Variants in STXBP5L observed in about 807,000 individuals in gnomAD.
The protein encoded by STXBP5L is syntaxin-binding protein 5-like.
Under a neutral mutation model 144.5 loss-of-function variants are expected in STXBP5L, and 65 were observed. The observed-to-expected ratio is 0.45, with a 90% CI of 0.37 to 0.55. STXBP5L has a LOEUF of 0.55. Among genes scored for constraint, STXBP5L ranks in the 20% least tolerant of loss-of-function variants. STXBP5L has a pLI of 0.00. For missense variants in STXBP5L, 1,298 were observed against 1,405.5 expected, an observed-to-expected ratio of 0.92 and a Z score of 1.22; for synonymous variants, 505 against 469.6, an observed-to-expected ratio of 1.08 and a Z score of -0.97.
chr3:120,923,016 A>G (rs1576423008), intron 2 of STXBP5L, among the ~76,000 whole-genome samples: 1 of 151,900 alleles, frequency 6.6e-6, no homozygotes, highest in East Asian at 1.9e-4. Flanking sequence ...TACTGCTTCA[A>G]TCTTATTCCT....
intron 2 of STXBP5L, among the ~76,000 whole-genome samples, chr3:120,926,312 T>C (rs1424473258): frequency 2.0e-5 from 3 of 151,990 alleles, no homozygotes; most frequent in Non-Finnish European, 4.4e-5. Flanking sequence ...TCCTTCATAG[T>C]TGAAGAACAT....
chr3:121,316,197 G>C (rs2043782691), intron 19 of STXBP5L, among the ~76,000 whole-genome samples: 1 of 152,070 alleles, frequency 6.6e-6, no homozygotes, highest in African/African-American at 2.4e-5. Flanking sequence ...TTATAAAATT[G>C]TTTAGGGTTT....
chr3:121,052,322 T>A (rs1337196722), intron 5 of STXBP5L, among the ~76,000 whole-genome samples: 1 of 152,148 alleles, frequency 6.6e-6, no homozygotes, highest in Non-Finnish European at 1.5e-5. Flanking sequence ...ATATCCCTGA[T>A]GAACATCGAT....
intron 2 of STXBP5L, among the ~76,000 whole-genome samples, chr3:120,933,766 A>G (rs946560305): frequency 2.0e-5 from 3 of 152,140 alleles, no homozygotes; most frequent in African/African-American, 7.2e-5. Flanking sequence ...GTGATATGGG[A>G]GGAACTATGA....
intron 19 of STXBP5L, chr3:121,282,114 T>G: frequency 2.1e-6 from 1 of 467,766 alleles, no homozygotes; most frequent in African/African-American, 1.9e-5. Context: ...ATTTTATTAA[T>G]ATCTCCTTCT....
chr3:121,069,004 G>C (rs1326838602), intron 5 of STXBP5L, among the ~76,000 whole-genome samples: 1 of 151,544 alleles, frequency 6.6e-6, no homozygotes, highest in Non-Finnish European at 1.5e-5. Flanking sequence ...ATGCACTCGT[G>C]TGTGTGTGTG....
intron 3 of STXBP5L, among the ~76,000 whole-genome samples, chr3:120,962,789 A>AG (rs1369065451): frequency 7.3e-5 from 11 of 149,962 alleles, no homozygotes; most frequent in East Asian, 3.9e-4. Context: ...TGAACTTTAA[A>AG]TAGTTTTTCC....
intron 3 of STXBP5L, among the ~76,000 whole-genome samples, chr3:121,035,746 C>G (rs1946702948): frequency 6.6e-6 from 1 of 152,054 alleles, no homozygotes; most frequent in Non-Finnish European, 1.5e-5. Flanking sequence ...TGAAAAATGA[C>G]ATTAGTATTT....
At chr3:121,099,880 C>A (rs2043322681) in intron 5 of STXBP5L, 1 of 152,070 alleles carries the variant, frequency 6.6e-6, no homozygotes, top group South Asian at 2.1e-4. Flanking sequence ...CTAACAGGAC[C>A]CACAGGCTCA....
chr3:120,956,438 T>C (rs1424698718), intron 3 of STXBP5L, among the ~76,000 whole-genome samples: 1 of 151,946 alleles, frequency 6.6e-6, no homozygotes, highest in Non-Finnish European at 1.5e-5. Context: ...TTCTTCTTTT[T>C]TGTGACTGGC....
intron 18 of STXBP5L, among the ~76,000 whole-genome samples, chr3:121,260,515 T>C (rs2050349634): frequency 6.6e-6 from 1 of 152,072 alleles, no homozygotes; most frequent in South Asian, 2.1e-4. Flanking sequence ...AAAAAAATTA[T>C]GTTCTCTCTA....
intron 20 of STXBP5L, among the ~76,000 whole-genome samples, chr3:121,367,596 T>G (rs13069825): frequency 2.6e-4 from 10 of 38,142 alleles, no homozygotes; most frequent in Non-Finnish European, 5.7e-4. Context: ...TCGACTCTTG[T>G]TTTTTTTTTT....
intron 5 of STXBP5L, among the ~76,000 whole-genome samples, chr3:121,083,624 C>T (rs1041387998): frequency 9.2e-5 from 14 of 151,648 alleles, no homozygotes; most frequent in African/African-American, 3.4e-4. Flanking sequence ...GATTGCACCA[C>T]TGCATTCTAG....
intron 9 of STXBP5L, among the ~76,000 whole-genome samples, chr3:121,176,389 C>T (rs2046932934): frequency 6.7e-6 from 1 of 149,062 alleles, no homozygotes; most frequent in African/African-American, 2.5e-5. Flanking sequence ...ATTGTAGCAA[C>T]TGTCAATAAA....
chr3:121,293,767 G>A (rs143030053), intron 19 of STXBP5L, among the ~76,000 whole-genome samples: 2,143 of 152,246 alleles, frequency 0.014, 51 homozygotes, highest in African/African-American at 0.048. Flanking sequence ...AGACTGAGGC[G>A]GGAGAATCAC....
chr3:121,222,878 C>A (rs1215033764), intron 10 of STXBP5L, 125 bp from the exon 11 acceptor site: 37 of 1,013,712 alleles, frequency 3.6e-5, no homozygotes, highest in Admixed American at 1.5e-4. Context: ...TTGAGCCGGG[C>A]AAGTTTTTTG....
Position 121,413,213 on chromosome 3 carries a change from A to T in STXBP5L, c.3004A>T (p.Arg1002Trp). ...TAATTATTTGCCACTGACAGACATG[A>T]GGATAGCACGAACATTTTGTTTTAC... ...DVNYLPLTDM[R>W]IARTFCFTNE... Residue 1002 changes from arginine (R) to tryptophan (W), a missense_variant, in exon 24 of 27, where the codon AGG (arginine) becomes TGG (tryptophan). Physicochemically the swap from Arg to Trp is moderately radical, Grantham distance 101. Coordinates refer to ENST00000471454, the MANE Select transcript of STXBP5L (RefSeq NM_001308330.2). The T allele has an allele frequency of 1.9e-6, 3 of 1,609,076 alleles. No individual in the cohort carries two copies. Among genetic ancestry groups the T allele is most frequent in the Non-Finnish European group, 2.5e-6 (3 of 1,178,530 alleles).
chr3:121,386,453 G>A (rs2046427617), intron 22 of STXBP5L, among the ~76,000 whole-genome samples: 1 of 152,062 alleles, frequency 6.6e-6, no homozygotes, highest in South Asian at 2.1e-4. Context: ...TGCACCATGT[G>A]CAGGTTTGAT....
chr3:121,197,889 C>G (rs1310108408), intron 9 of STXBP5L, among the ~76,000 whole-genome samples: 1 of 152,206 alleles, frequency 6.6e-6, no homozygotes, highest in Non-Finnish European at 1.5e-5. Flanking sequence ...TTAATCCAGT[C>G]TATCACTGAT....
Sources: allele counts gnomAD v4.1 joint callset (sites outside exome capture counted in the v4.1 genomes callset), GRCh38; gene constraint gnomAD v4.1.1; transcripts MANE v1.5; gene names NCBI Gene and HGNC (gene_info 2026-07-23, HGNC 2026-07-21).